The following EEIG2 variants were observed in gnomAD, a reference collection of about 807,000 sequenced individuals.
EEIG2 encodes the protein family with sequence similarity 102 member B.
the EEIG2 span, chr1:108,600,737 C>T: frequency 3.2e-6 from 5 of 1,547,648 alleles, no homozygotes; most frequent in Middle Eastern, 1.7e-4. Context: ...TAATTAGTTC[C>T]GTAGTCACTG....
At chr1:108,600,405 T>A in the EEIG2 span, among the ~76,000 whole-genome samples, 1 of 152,174 alleles carries the variant, frequency 6.6e-6, no homozygotes, top group Non-Finnish European at 1.5e-5. Context: ...GATTTTCAGA[T>A]CACATTGTTA....
the EEIG2 span, among the ~76,000 whole-genome samples, chr1:108,570,656 T>C: frequency 6.6e-6 from 1 of 152,188 alleles, no homozygotes; most frequent in Admixed American, 6.5e-5. Flanking sequence ...TGCAGTTTTC[T>C]CCAGCAGTGC....
the EEIG2 span, among the ~76,000 whole-genome samples, chr1:108,634,565 C>T: frequency 2.6e-5 from 4 of 152,168 alleles, no homozygotes; most frequent in African/African-American, 9.7e-5. Flanking sequence ...CGTGGTGGCT[C>T]ATGCCTGTAA....
At chr1:108,608,762 T>C in the EEIG2 span, among the ~76,000 whole-genome samples, 2 of 152,244 alleles carry the variant, frequency 1.3e-5, no homozygotes, top group Non-Finnish European at 2.9e-5. Context: ...TAGTTTGGGA[T>C]GCTATAGCAG....
the EEIG2 span, among the ~76,000 whole-genome samples, chr1:108,590,101 C>T: frequency 9.9e-5 from 15 of 152,190 alleles, no homozygotes; most frequent in African/African-American, 3.4e-4. Context: ...TTCCCTCACT[C>T]CCTAATCCCA....
At chr1:108,560,703 G>A in the EEIG2 span, 1 of 1,071,282 alleles carries the variant, frequency 9.3e-7, no homozygotes, top group Non-Finnish European at 1.3e-6. Context: ...GATCTGCAAA[G>A]TGCTTTGCAA....
chr1:108,593,794 GTTTGTTTTGT>G, the EEIG2 span, among the ~76,000 whole-genome samples: 9 of 151,812 alleles, frequency 5.9e-5, no homozygotes, highest in African/African-American at 2.2e-4. Flanking sequence ...AGTTTTGTTT[GTTTGTTTTGT>G]TTTGTTTTGT....
At chr1:108,606,656 A>T in the EEIG2 span, among the ~76,000 whole-genome samples, 1 of 152,200 alleles carries the variant, frequency 6.6e-6, no homozygotes, top group Non-Finnish European at 1.5e-5. Flanking sequence ...ATGTGGAATT[A>T]CTAGAGAATG....
the EEIG2 span, chr1:108,625,268 C>G: frequency 6.6e-6 from 1 of 152,290 alleles, no homozygotes; most frequent in East Asian, 1.9e-4. Context: ...TGCTGCTAGT[C>G]CCTGACCACA....
chr1:108,638,768 A>G, the EEIG2 span: 4 of 152,160 alleles, frequency 2.6e-5, no homozygotes, highest in Non-Finnish European at 5.9e-5. Context: ...AGATGAATAT[A>G]CCCATATTAA....
chr1:108,588,425 C>T, the EEIG2 span, among the ~76,000 whole-genome samples: 13 of 151,932 alleles, frequency 8.6e-5, no homozygotes, highest in Admixed American at 7.9e-4. Flanking sequence ...TAACTCATTG[C>T]GGTTTTGATT....
At chr1:108,609,484 G>T in the EEIG2 span, among the ~76,000 whole-genome samples, 578 of 152,264 alleles carry the variant, frequency 3.8e-3, 23 homozygotes, top group East Asian at 0.068. Flanking sequence ...GTCAGGGAAG[G>T]CCCCTTTAGA....
the EEIG2 span, chr1:108,560,157 A>G: frequency 1.2e-5 from 2 of 168,324 alleles, no homozygotes; most frequent in East Asian, 1.7e-4. Flanking sequence ...CTGAGCACCA[A>G]AAGGGCGCTC....
chr1:108,606,563 A>C, the EEIG2 span, among the ~76,000 whole-genome samples: 1 of 152,182 alleles, frequency 6.6e-6, no homozygotes, highest in African/African-American at 2.4e-5. Flanking sequence ...ACCTCCCCCA[A>C]CTGTAAGAGG....
the EEIG2 span, among the ~76,000 whole-genome samples, chr1:108,570,533 A>G: frequency 6.6e-6 from 1 of 152,232 alleles, no homozygotes; most frequent in South Asian, 2.1e-4. Flanking sequence ...TAATGATGAA[A>G]GATCAGAAAA....
At chr1:108,560,984 A>G in the EEIG2 span, among the ~76,000 whole-genome samples, 1 of 152,226 alleles carries the variant, frequency 6.6e-6, no homozygotes, top group Non-Finnish European at 1.5e-5. Context: ...CTTGTAGATT[A>G]CAAGGGGACT....
At chr1:108,629,735 C>T in the EEIG2 span, 3 of 1,096,406 alleles carry the variant, frequency 2.7e-6, no homozygotes, top group South Asian at 2.7e-5. Context: ...ATGATGGTTG[C>T]AAAGTTTGTA....
the EEIG2 span, among the ~76,000 whole-genome samples, chr1:108,630,291 T>C: frequency 6.6e-6 from 1 of 152,188 alleles, no homozygotes; most frequent in African/African-American, 2.4e-5. Context: ...GCCATACATA[T>C]TAAAACCATC....
At chr1:108,638,696 T>C in the EEIG2 span, 1 of 152,224 alleles carries the variant, frequency 6.6e-6, no homozygotes, top group African/African-American at 2.4e-5. Context: ...TCATGTTGTC[T>C]TAGGTACTAC....
Sources: gnomAD v4.1 joint callset for allele counts (sites outside exome capture counted in the v4.1 genomes callset) on GRCh38, gnomAD v4.1.1 for gene constraint, MANE v1.5 for transcripts, NCBI Gene and HGNC (gene_info 2026-07-23, HGNC 2026-07-21) for gene names.